NDC80: variants seen among roughly 807,000 people sequenced by gnomAD.
NDC80 encodes the protein kinetochore protein NDC80 homolog.
In NDC80, 69 loss-of-function variants were observed where a neutral mutation model predicts 89.3. The ratio of observed to expected loss-of-function variants is 0.77; its 90% CI spans 0.64 to 0.94. The LOEUF is 0.94. Ranked by LOEUF, NDC80 falls within the 40% of genes least tolerant of loss-of-function variation. The pLI, the probability that NDC80 is intolerant of heterozygous loss-of-function variation, is 0.00. For missense variants in NDC80, 593 were observed against 739.6 expected (o/e 0.80, Z 2.30); for synonymous variants, 243 against 255.6 (o/e 0.95, Z 0.47).
intron 16 of NDC80, among the ~76,000 whole-genome samples, chr18:2,611,421 A>G (rs2072743916): frequency 6.6e-6 from 1 of 152,220 alleles, no homozygotes; most frequent in Admixed American, 6.5e-5. Flanking sequence ...TACACCAACA[A>G]TGTATAATGA....
At chr18:2,607,185 AAATATACCACAT>A (rs1273132509) in intron 14 of NDC80, among the ~76,000 whole-genome samples, 1 of 152,222 alleles carries the variant, frequency 6.6e-6, no homozygotes, top group East Asian at 1.9e-4. Flanking sequence ...AATGTTTAGA[AAATATACCACAT>A]AATATGATCT....
At chr18:2,573,141 A>C (rs1011943776) in intron 2 of NDC80, 55 bp downstream of exon 2, 5 of 1,352,824 alleles carry the variant, frequency 3.7e-6, no homozygotes, top group Admixed American at 1.9e-5. Context: ...TAGGCAAAGA[A>C]ATCATAAGAA....
chr18:2,593,013 G>GGT (rs56851912), intron 10 of NDC80, among the ~76,000 whole-genome samples: 16,749 of 108,294 alleles, frequency 0.15, 1,380 homozygotes, highest in South Asian at 0.18. Context: ...AATAAACTCT[G>GGT]GTGTGTGTGT....
In NDC80 at chr18:2,610,780, C is replaced by T; in HGVS notation, c.1710C>T (p.Thr570=). 1 of 1,590,818 alleles carries T rather than the reference C, an allele frequency of 6.3e-7. No homozygotes were observed. Among genetic ancestry groups the T allele is most frequent in the Admixed American group, 1.7e-5 (1 of 59,084 alleles). The part of the protein sequence containing the change: ...VQREYQLVVQ[T]TTEERRKVGN... Reference sequence around the variant, plus strand: ...ACAGATACCAACTAGTTGTGCAAACCACGACTGAAGAAAGACGAAAAGTGG... The same window carrying T: ...ACAGATACCAACTAGTTGTGCAAACTACGACTGAAGAAAGACGAAAAGTGG... The change falls in exon 16 of 17, where the codon ACC becomes ACT. Residue 570 remains threonine, a synonymous_variant. Coordinates refer to ENST00000261597, the MANE Select transcript of NDC80 (RefSeq NM_006101.3).
intron 12 of NDC80, among the ~76,000 whole-genome samples, chr18:2,600,387 G>T (rs1224467171): frequency 6.6e-6 from 1 of 152,150 alleles, no homozygotes; most frequent in Admixed American, 6.5e-5. Flanking sequence ...TAAGTGGGCA[G>T]ATCACGAGGT....
chr18:2,586,045 C>T (rs1416461297), intron 7 of NDC80, among the ~76,000 whole-genome samples: 1 of 152,172 alleles, frequency 6.6e-6, no homozygotes, highest in Non-Finnish European at 1.5e-5. Flanking sequence ...TAAGATTATA[C>T]ATTAATACTT....
In NDC80 at chr18:2,601,470, G is replaced by A; in HGVS notation, c.1449G>A (p.Glu483=). The A allele has an allele frequency of 6.9e-7, 1 of 1,451,774 alleles. No homozygotes were observed. Among genetic ancestry groups the A allele is most frequent in the Non-Finnish European group, 9.4e-7 (1 of 1,066,508 alleles). 89.9% of individuals were successfully genotyped at this position (1,451,774 alleles called of 1,614,324 possible). Residue 483 remains glutamate (E), a synonymous_variant, in exon 13 of 17, where the codon GAG becomes GAA. Coordinates refer to ENST00000261597, the MANE Select transcript of NDC80 (RefSeq NM_006101.3). ...NKALNKKMGL[E]DTLEQLNAMI... ...CCCTAAATAAAAAAATGGGTTTGGA[G>A]GATACTTTAGAACAAGTAAGTAATA...
intron 13 of NDC80, among the ~76,000 whole-genome samples, chr18:2,605,274 ATGTGTG>A (rs60324126): frequency 0.086 from 10,985 of 127,072 alleles, 489 homozygotes; most frequent in Admixed American, 0.2. Flanking sequence ...GGCTATATGT[ATGTGTG>A]TGTGTGTGTG....
intron 12 of NDC80, 47 bp from the exon 13 acceptor site, chr18:2,601,342 GGATATTT>G: frequency 3.6e-6 from 3 of 832,186 alleles, no homozygotes; most frequent in South Asian, 2.2e-5. Flanking sequence ...GCTTCAGGAG[GGATATTT>G]TGTAATTAAA....
Position 2,575,957 on chromosome 18 carries a change from A to G in NDC80, c.179+891A>G, listed in dbSNP as rs116879309. ...CTTTTTTCAATTTAAAAATTAGCCA[A>G]GCATCATGGTGCACGCCTATAATCC... On this transcript the variant is annotated intron_variant, in intron 3 of 16. Transcript: ENST00000261597. Among the ~76,000 whole-genome samples, 143 of 152,224 alleles carry G rather than the reference A, an allele frequency of 9.4e-4. 1 individual carries two copies. Among genetic ancestry groups the G allele is most frequent in the East Asian group, 4.3e-3 (22 of 5,170 alleles).
rs1334943722 is a variant in NDC80, at chr18:2,588,000, T to A, written c.763+77T>A. ...ATGGAGTGGTAATTTATTTACCATA[T>A]CCAGTGTTCATATGAGCTACTTACT... On this transcript the variant is annotated intron_variant, in intron 8 of 16. Coordinates refer to ENST00000261597, the MANE Select transcript of NDC80 (RefSeq NM_006101.3). 4.4e-6 allele frequency: 5 copies of A among 1,133,850 alleles called. No individual in the cohort carries two copies. In the African/African-American group the frequency reaches 6.1e-5, roughly 14 times the overall value. 70.2% of individuals were successfully genotyped at this position (1,133,850 alleles called of 1,614,324 possible).
intron 12 of NDC80, among the ~76,000 whole-genome samples, chr18:2,599,890 A>G (rs1407120573): frequency 6.6e-6 from 1 of 152,204 alleles, no homozygotes; most frequent in Non-Finnish European, 1.5e-5. Flanking sequence ...GTATTTATTG[A>G]GTGCATAGTG....
At chr18:2,615,679 A>G (rs1487975796) in intron 16 of NDC80, among the ~76,000 whole-genome samples, 1 of 152,250 alleles carries the variant, frequency 6.6e-6, no homozygotes, top group African/African-American at 2.4e-5. Context: ...CCTGGGAACA[A>G]ACAAAACTTC....
intron 11 of NDC80, among the ~76,000 whole-genome samples, chr18:2,597,211 T>A (rs9954717): frequency 0.54 from 81,384 of 151,244 alleles, 22,499 homozygotes; most frequent in East Asian, 0.82. Flanking sequence ...TAAAATAAAA[T>A]AAAATAGCAA....
intron 16 of NDC80, among the ~76,000 whole-genome samples, chr18:2,612,541 A>G (rs1199619123): frequency 1.3e-5 from 2 of 151,866 alleles, no homozygotes; most frequent in South Asian, 4.2e-4. Flanking sequence ...TGCCCACCTC[A>G]GCCTCCCAAA....
rs78071350 is a variant in NDC80 at position 2,577,230 on chromosome 18, T to G, written c.180-516T>G. On this transcript the variant is annotated intron_variant, in intron 3 of 16. Coordinates refer to ENST00000261597, the MANE Select transcript of NDC80 (RefSeq NM_006101.3). ...ACTGTCTGCGCTTTTTTTTTTTTTT[T>G]TTGAGATGGAGTCTCGCTCTGTCGC... 3 of 153,468 alleles carry G rather than the reference T, an allele frequency of 2.0e-5. No individual in the cohort carries two copies. In the East Asian group the frequency reaches 5.7e-4, roughly 29 times the overall value. The allele number at this position is 153,468 out of a possible 1,614,324, so 9.5% of individuals were successfully genotyped here.
At chr18:2,592,606 G>A (rs1012980697) in intron 10 of NDC80, among the ~76,000 whole-genome samples, 1 of 151,662 alleles carries the variant, frequency 6.6e-6, no homozygotes, top group East Asian at 1.9e-4. Flanking sequence ...TGATCCACCC[G>A]CCTCAGCCTC....
rs1225946697 is a variant in NDC80 at position 2,608,799 on chromosome 18, G to A, written c.1657G>A (p.Ala553Thr). ...ESTVNQGLSE[A>T]MNELDAVQRE... The stretch of plus-strand genomic sequence containing the variant: ...TACTGTTAACCAGGGGCTCAGTGAA[G>A]CTATGAATGAATTAGATGCTGTTCA... Residue 553 changes from alanine to threonine, a missense_variant, in exon 15 of 17, where the codon GCT becomes ACT. By Grantham distance (58) the Ala-to-Thr change is moderately conservative (BLOSUM62 0). Coordinates refer to ENST00000261597, the MANE Select transcript of NDC80 (RefSeq NM_006101.3). 1.2e-6 allele frequency: 2 copies of A among 1,611,932 alleles called. No individual in the cohort carries two copies. The highest frequency in any genetic ancestry group is 1.3e-5 in the African/African-American group (1 of 74,902).
At chr18:2,576,466 A>G (rs560110940) in intron 3 of NDC80, among the ~76,000 whole-genome samples, 2 of 152,338 alleles carry the variant, frequency 1.3e-5, no homozygotes, top group South Asian at 4.1e-4. Context: ...ATCATACATC[A>G]TGTTACCAGC....
Sources: allele counts gnomAD v4.1 joint callset (sites outside exome capture counted in the v4.1 genomes callset), GRCh38; gene constraint gnomAD v4.1.1; transcripts MANE v1.5; gene names NCBI Gene and HGNC (gene_info 2026-07-23, HGNC 2026-07-21).